WDR7: variants seen among roughly 807,000 people sequenced by gnomAD.
The protein encoded by WDR7 is WD repeat domain 7.
Under a neutral mutation model 169.4 loss-of-function variants are expected in WDR7, and 46 were observed. That is an observed-to-expected ratio of 0.27 (90% CI 0.21 to 0.35). The LOEUF is 0.35. Ranked by LOEUF, WDR7 falls within the 10% of genes least tolerant of loss-of-function variation. The pLI, the probability that WDR7 is intolerant of heterozygous loss-of-function variation, is 1.00. For synonymous variants in WDR7, 612 were observed against 666.8 expected (o/e 0.92, Z 1.27); for missense variants, 1,534 against 1,859.3 (o/e 0.83, Z 3.22).
chr18:56,699,875 G>A, intron 12 of WDR7: 1 of 985,380 alleles, frequency 1.0e-6, no homozygotes, highest in African/African-American at 1.7e-5. Context: ...TCTGAAGACA[G>A]ACTCCAGACC....
At chr18:56,885,860 G>A (rs1180042302) in intron 21 of WDR7, among the ~76,000 whole-genome samples, 10 of 150,002 alleles carry the variant, frequency 6.7e-5, no homozygotes, top group African/African-American at 2.0e-4. Context: ...TTCAGAACTC[G>A]AACACAAGGT....
intron 2 of WDR7, among the ~76,000 whole-genome samples, chr18:56,674,627 T>G (rs972233099): frequency 1.3e-5 from 2 of 152,314 alleles, no homozygotes; most frequent in East Asian, 3.9e-4. Flanking sequence ...AGTTGTTTTT[T>G]CACTTTCTCG....
intron 19 of WDR7, among the ~76,000 whole-genome samples, chr18:56,787,612 T>C (rs924025262): frequency 1.4e-4 from 21 of 152,200 alleles, no homozygotes; most frequent in Non-Finnish European, 1.8e-4. Flanking sequence ...CTCGTCTTTT[T>C]ATCCCCCTTG....
intron 26 of WDR7, among the ~76,000 whole-genome samples, chr18:56,965,466 T>C (rs2145783680): frequency 6.6e-6 from 1 of 152,024 alleles, no homozygotes; most frequent in East Asian, 1.9e-4. Context: ...TTTTTTTTTT[T>C]AGATCTGTTA....
chr18:56,982,091 A>T (rs1377827061), intron 26 of WDR7, among the ~76,000 whole-genome samples: 1 of 152,186 alleles, frequency 6.6e-6, no homozygotes, highest in Non-Finnish European at 1.5e-5. Flanking sequence ...GTTAACCCCC[A>T]AAATCCAAGG....
At chr18:56,725,273 T>G (rs561981857) in intron 13 of WDR7, among the ~76,000 whole-genome samples, 7 of 150,956 alleles carry the variant, frequency 4.6e-5, no homozygotes, top group African/African-American at 1.7e-4. Context: ...CCCCCAACAG[T>G]GTAAAAGTGT....
At chr18:56,733,456 A>T (rs1159542822) in intron 14 of WDR7, among the ~76,000 whole-genome samples, 5 of 152,204 alleles carry the variant, frequency 3.3e-5, no homozygotes, top group Non-Finnish European at 7.4e-5. Context: ...TCTCAATGGT[A>T]CAGGACTTAC....
At chr18:56,794,349 G>T (rs1169904620) in intron 19 of WDR7, among the ~76,000 whole-genome samples, 1 of 96,754 alleles carries the variant, frequency 1.0e-5, no homozygotes, top group Non-Finnish European at 2.0e-5. Flanking sequence ...TCACTCTGTC[G>T]CCCAGGCTGG....
chr18:56,806,170 G>A (rs1599059653), intron 19 of WDR7, among the ~76,000 whole-genome samples: 1 of 152,090 alleles, frequency 6.6e-6, no homozygotes, highest in Middle Eastern at 3.4e-3. Flanking sequence ...TTTTCATTAT[G>A]GCTATTAGAT....
chr18:56,988,173 G>A (rs1465164568), intron 26 of WDR7, among the ~76,000 whole-genome samples: 2 of 152,038 alleles, frequency 1.3e-5, no homozygotes, highest in Admixed American at 6.6e-5. Flanking sequence ...TATCACCTTC[G>A]TAACCCCTAA....
At chr18:57,022,392 A>G (rs2048305367) in intron 27 of WDR7, among the ~76,000 whole-genome samples, 1 of 152,200 alleles carries the variant, frequency 6.6e-6, no homozygotes, top group South Asian at 2.1e-4. Flanking sequence ...AGTGGTAGGT[A>G]CTGGCCTGTG....
At chr18:56,660,462 G>C (rs1415905326) in intron 1 of WDR7, among the ~76,000 whole-genome samples, 1 of 152,048 alleles carries the variant, frequency 6.6e-6, no homozygotes, top group Non-Finnish European at 1.5e-5. Context: ...CAACCTGTAA[G>C]TATAATACAA....
At position 56,857,366 on chromosome 18, in the gene WDR7, C is replaced by T. The variant is rs536603793; in HGVS notation, c.3305-22578C>T. 8.5e-5 allele frequency among the ~76,000 whole-genome samples: 13 copies of T among 152,214 alleles called. No individual in the cohort carries two copies. In the East Asian group the frequency reaches 2.5e-3, roughly 29 times the overall value. ...CCTCAACCTCCTGGCTCACGCGATC[C>T]TTCCGCCTCAGCCTCCAGGGTAGCT... On this transcript the variant is annotated intron_variant, in intron 20 of 27. Coordinates refer to ENST00000254442, the MANE Select transcript of WDR7 (RefSeq NM_015285.3).
intron 20 of WDR7, among the ~76,000 whole-genome samples, chr18:56,855,877 C>G (rs2045712957): frequency 6.6e-6 from 1 of 152,130 alleles, no homozygotes; most frequent in African/African-American, 2.4e-5. Flanking sequence ...GCACCTGTTT[C>G]TATAAAACTC....
chr18:56,727,060 A>T (rs1334453626), intron 13 of WDR7, among the ~76,000 whole-genome samples: 2 of 152,198 alleles, frequency 1.3e-5, no homozygotes, highest in African/African-American at 4.8e-5. Context: ...ATCTGTCTTC[A>T]ACTTAAGGAA....
intron 25 of WDR7, among the ~76,000 whole-genome samples, chr18:56,946,658 C>T (rs907464992): frequency 2.0e-5 from 3 of 151,816 alleles, no homozygotes; most frequent in Non-Finnish European, 2.9e-5. Context: ...TTCCCTAAGT[C>T]CTTTATGTTA....
Position 56,772,060 on chromosome 18 carries a change from CAAAAAAAAAAAA to C in WDR7, c.2849-4705_2849-4694del, listed in dbSNP as rs71169397. On this transcript the variant is annotated intron_variant, in intron 16 of 27. Coordinates refer to ENST00000254442, the MANE Select transcript of WDR7 (RefSeq NM_015285.3). ...TGGGTGACAGAGCAAGACCCTGTCT[CAAAAAAAAAAAA>C]AAAAAAAAAAAAAAAAGCTAGAGAG... Among the ~76,000 whole-genome samples, 170 of 51,190 alleles carry C rather than the reference CAAAAAAAAAAAA, an allele frequency of 3.3e-3. 2 individuals carry two copies. The highest frequency in any genetic ancestry group is 0.043 in the Middle Eastern group (2 of 46). 33.6% of individuals were successfully genotyped at this position (51,190 alleles called of 152,430 possible). A position where few individuals can be genotyped will look rare whatever the true frequency, so the allele number is the denominator to read the frequency against.
At chr18:56,874,710 C>T (rs2045999638) in intron 20 of WDR7, among the ~76,000 whole-genome samples, 1 of 152,100 alleles carries the variant, frequency 6.6e-6, no homozygotes, top group Admixed American at 6.5e-5. Context: ...GACTCCTTTT[C>T]GATTTTTCCT....
chr18:56,692,060 G>A (rs949111964), intron 9 of WDR7, among the ~76,000 whole-genome samples: 15 of 152,218 alleles, frequency 9.9e-5, no homozygotes, highest in Non-Finnish European at 1.8e-4. Context: ...TGCTAATTGC[G>A]TATTGAAATT....
Sources: gnomAD v4.1 joint callset for allele counts (sites outside exome capture counted in the v4.1 genomes callset) on GRCh38, gnomAD v4.1.1 for gene constraint, MANE v1.5 for transcripts, NCBI Gene and HGNC (gene_info 2026-07-23, HGNC 2026-07-21) for gene names.